Variants in OBSL1 observed in about 807,000 individuals in gnomAD.
The protein encoded by OBSL1 is obscurin-like protein 1.
A neutral mutation model predicts 172.0 loss-of-function variants in OBSL1; 160 were observed. That is an observed-to-expected ratio of 0.93 (90% CI 0.82 to 1.06). OBSL1 has a LOEUF of 1.06. Ranked by LOEUF, OBSL1 falls within the 50% of genes least tolerant of loss-of-function variation. The pLI is 0.00. For missense variants in OBSL1, 2,681 were observed against 2,715.4 expected (o/e 0.99, Z 0.28); for synonymous variants, 1,200 against 1,196.3 (o/e 1.00, Z -0.06).
At chr2:219,557,654 A>G in intron 11 of OBSL1, 36 bp from the exon 12 acceptor site, 1 of 1,510,664 alleles carries the variant, frequency 6.6e-7, no homozygotes, top group Non-Finnish European at 8.9e-7. Flanking sequence ...TGGGAGGGAG[A>G]GGCTCAGGGC....
intron 7 of OBSL1, 29 bp downstream of exon 7, chr2:219,563,326 G>T: frequency 8.5e-6 from 13 of 1,533,648 alleles, no homozygotes; most frequent in Non-Finnish European, 1.1e-5. Context: ...ACCTTCCCCT[G>T]TGCCTCCGAG....
intron 14 of OBSL1, chr2:219,555,078 G>A (rs1208810750): frequency 3.2e-6 from 1 of 317,342 alleles, no homozygotes; most frequent in Non-Finnish European, 5.9e-6. Context: ...CACATAGTTT[G>A]TGTGCTATGT....
At position 219,557,297 on chromosome 2, in the gene OBSL1, T is replaced by G. The variant is rs1696086780; in HGVS notation, c.4066+46A>C. The G allele has an allele frequency of 6.3e-6, 9 of 1,432,496 alleles. No individual in the cohort carries two copies. The South Asian group carries it at 1.4e-4, about 22-fold the overall frequency. 88.7% of individuals were successfully genotyped at this position (1,432,496 alleles called of 1,614,324 possible). On this transcript the variant is annotated intron_variant, in intron 12 of 20. Transcript: ENST00000404537. ...GGGGGCCCTAGAAAGTGGCAGATGG[T>G]CCTTGGGGTGCCACAGCCCACAGGG...
At position 219,556,284 on chromosome 2, in the gene OBSL1, G is replaced by T; in HGVS notation, c.4345C>A (p.Leu1449Met). 6.3e-7 allele frequency: 1 copy of T among 1,582,886 alleles called. No homozygotes were observed. Among genetic ancestry groups the T allele is most frequent in the Non-Finnish European group, 8.6e-7 (1 of 1,161,184 alleles). ...TCCTGCAACCGCCGTAGGAACAGCA[G>T]CTCTGTCTCTGGTGGGGAAGAAGGA... ...SARLHVRETE[L>M]LFLRRLQDVR... The change falls in exon 14 of 21, where the codon CTG becomes ATG. Residue 1449 changes from leucine to methionine, a missense_variant. Transcript: ENST00000404537.
Position 219,556,718 on chromosome 2 carries a change from G to A in OBSL1, c.4072C>T (p.Leu1358=). The change falls in exon 13 of 21, where the codon CTG becomes TTG. Residue 1358 remains leucine (L), a synonymous_variant. Transcript: ENST00000404537. ...AGCTCCGAGACCAGCTTCACCAGCAGTGGCTCTAAGGGGCACGGTAAGGCA... is the reference window on the plus strand; with the variant it reads ...AGCTCCGAGACCAGCTTCACCAGCAATGGCTCTAAGGGGCACGGTAAGGCA... ...RIFLVSVEEP[L]LVKLVSELTP... is the part of the protein sequence containing the mutation. 1 of 1,601,552 alleles carries A rather than the reference G, an allele frequency of 6.2e-7. No individual in the cohort carries two copies. Among genetic ancestry groups the A allele is most frequent in the African/African-American group, 1.3e-5 (1 of 74,850 alleles).
chr2:219,552,456 G>C (rs1695693613), intron 18 of OBSL1, 80 bp downstream of exon 18: 2 of 1,427,320 alleles, frequency 1.4e-6, no homozygotes, highest in African/African-American at 2.8e-5. Context: ...CCAGGGGCGG[G>C]GCTTGTCCCG....
In OBSL1 at chr2:219,570,815, G is replaced by A; in HGVS notation, c.418C>T (p.Leu140=). The part of the protein sequence containing the change: ...FLTGPRSQWV[L]RGAEVVLTCR... ...GTCAGCACCACCTCCGCCCCCCGCA[G>A]CACCCACTGGGATCGAGGCCCCGTG... Residue 140 remains leucine, a synonymous_variant, in exon 1 of 21, where the codon CTG becomes TTG. Coordinates refer to ENST00000404537, the MANE Select transcript of OBSL1 (RefSeq NM_015311.3). 6.7e-7 allele frequency: 1 copy of A among 1,482,552 alleles called. No homozygotes were observed. The highest frequency in any genetic ancestry group is 1.3e-5 in the South Asian group (1 of 76,812). 91.8% of individuals were successfully genotyped at this position (1,482,552 alleles called of 1,614,324 possible).
downstream of OBSL1, chr2:219,547,600 G>A (rs755726334): frequency 8.8e-6 from 13 of 1,481,516 alleles, no homozygotes; most frequent in Non-Finnish European, 9.0e-7. Flanking sequence ...GGGTGCTAGA[G>A]ACACAGCTGA....
chr2:219,556,007 A>C lies in OBSL1; in HGVS notation c.4609+13T>G, dbSNP rs1274379878. ...AGGGTGGGTAATGCATTAAGAGAGG[A>C]CGGGGCACTCACGCCTCACGCTGAG... On this transcript the variant is annotated intron_variant, in intron 14 of 20. Coordinates refer to ENST00000404537, the MANE Select transcript of OBSL1 (RefSeq NM_015311.3). 3 of 1,612,828 alleles carry C rather than the reference A, an allele frequency of 1.9e-6. No individual in the cohort carries two copies. In the South Asian group the frequency reaches 3.3e-5, roughly 18 times the overall value.
rs1251782671 is a variant in OBSL1 at position 219,557,938 on chromosome 2, G to T, written c.3675C>A (p.Gly1225=). 4.4e-6 allele frequency: 7 copies of T among 1,605,848 alleles called. No individual in the cohort carries two copies. The highest frequency in any genetic ancestry group is 1.7e-5 in the Admixed American group (1 of 59,694). Residue 1225 remains glycine (G), a synonymous_variant, in exon 11 of 21, where the codon GGC becomes GGA. Coordinates refer to ENST00000404537, the MANE Select transcript of OBSL1 (RefSeq NM_015311.3). The stretch of plus-strand genomic sequence containing the variant: ...CCTGGATGCAGAGGACTCGGCGGGG[G>T]CCCTCGGCATGGAGCTCTAGGCCCT... ...EGEGLELHAE[G]PRRVLCIQAA... is the part of the protein sequence containing the mutation.
chr2:219,560,811 T>G (rs946676655), intron 8 of OBSL1, among the ~76,000 whole-genome samples: 2 of 152,194 alleles, frequency 1.3e-5, no homozygotes, highest in Non-Finnish European at 2.9e-5. Context: ...GAGACCAGAA[T>G]GCAGCTGCCT....
intron 6 of OBSL1, 86 bp downstream of exon 6, chr2:219,565,156 A>G (rs533520856): frequency 7.1e-7 from 1 of 1,410,326 alleles, no homozygotes; most frequent in South Asian, 1.4e-5. Context: ...GGACTCCCCC[A>G]AGTAGGCAGC....
In OBSL1 at chr2:219,552,164, T is replaced by G. The variant is rs1695663089; in HGVS notation, c.5361A>C (p.Glu1787Asp). 1.2e-6 allele frequency: 2 copies of G among 1,611,578 alleles called. No homozygotes were observed. The highest frequency in any genetic ancestry group is 1.3e-5 in the African/African-American group (1 of 74,922). The change falls in exon 19 of 21, where the codon GAA becomes GAC. Residue 1787 changes from glutamate (E) to aspartate (D), a missense_variant. This residue lies in a region of OBSL1 where 1,765 missense variants were observed against 1,748.3 expected (regional missense o/e 1.01). Coordinates refer to ENST00000404537, the MANE Select transcript of OBSL1 (RefSeq NM_015311.3). ...GGGCGGGCCCCGCCTGGAAGCGGACTTCACCGGCGTCCTCGGCGCGCAGCT... is the reference window on the plus strand; with the variant it reads ...GGGCGGGCCCCGCCTGGAAGCGGACGTCACCGGCGTCCTCGGCGCGCAGCT... Reference protein sequence around the residue: ...LSELRAEDAGEVRFQAGPAQS... With the variant: ...LSELRAEDAGDVRFQAGPAQS...
At chr2:219,558,534 GC>G in intron 9 of OBSL1, 75 bp from the exon 10 acceptor site, 1 of 1,455,276 alleles carries the variant, frequency 6.9e-7, no homozygotes, top group Non-Finnish European at 9.1e-7. Context: ...CAGATCCTCA[GC>G]CCTCCCCACT....
chr2:219,550,156 G>T (rs988272220), downstream of OBSL1: 5 of 297,718 alleles, frequency 1.7e-5, no homozygotes, highest in Admixed American at 1.9e-4. Context: ...GGCTTGGAGG[G>T]GACGCTGGGA....
chr2:219,562,710 G>C lies in OBSL1; in HGVS notation c.2681-36C>G, dbSNP rs759927618. On this transcript the variant is annotated intron_variant, in intron 7 of 20. Coordinates refer to ENST00000404537, the MANE Select transcript of OBSL1 (RefSeq NM_015311.3). ...GGGACAGCCACTGCCGGGCATGAGG[G>C]GTGTGCCCTGCCGTCCTCCCTGACC... 35 of 1,516,572 alleles carry C rather than the reference G, an allele frequency of 2.3e-5. No homozygotes were observed. The African/African-American group carries it at 4.5e-4, about 20-fold the overall frequency. The allele number at this position is 1,516,572 out of a possible 1,614,324, so 93.9% of individuals were successfully genotyped here.
intron 12 of OBSL1, 111 bp downstream of exon 12, chr2:219,557,232 G>A: frequency 1.8e-6 from 2 of 1,098,126 alleles, no homozygotes; most frequent in South Asian, 3.6e-5. Context: ...TGCACGCACT[G>A]GTTGGAGCCA....
chr2:219,562,998 A>G, intron 7 of OBSL1: 1 of 467,106 alleles, frequency 2.1e-6, no homozygotes, highest in South Asian at 4.1e-5. Flanking sequence ...GGTTGGGGGG[A>G]GGAGCTGGGG....
chr2:219,564,879 C>A (rs558441269), intron 6 of OBSL1, among the ~76,000 whole-genome samples: 2 of 152,184 alleles, frequency 1.3e-5, no homozygotes, highest in Non-Finnish European at 2.9e-5. Context: ...GGTGACCTAA[C>A]CAACATAGTG....
Sources: allele counts gnomAD v4.1 joint callset (sites outside exome capture counted in the v4.1 genomes callset), GRCh38; gene constraint gnomAD v4.1.1; regional missense constraint gnomAD v4.1.1; transcripts MANE v1.5; gene names NCBI Gene and HGNC (gene_info 2026-07-23, HGNC 2026-07-21).